The following MYH13 variants were observed in gnomAD, a reference collection of about 807,000 sequenced individuals.
The protein encoded by MYH13 is myosin heavy chain 13.
A neutral mutation model predicts 232.1 loss-of-function variants in MYH13; 177 were observed. The ratio of observed to expected loss-of-function variants is 0.76; its 90% confidence interval spans 0.67 to 0.86. The LOEUF is 0.86. Ranked by LOEUF, MYH13 falls within the 40% of genes least tolerant of loss-of-function variation. MYH13 has a pLI of 0.00. For missense variants in MYH13, 2,246 were observed against 2,405.9 expected, an observed-to-expected ratio of 0.93 and a Z score of 1.39; for synonymous variants, 884 against 923.5, an observed-to-expected ratio of 0.96 and a Z score of 0.78.
intron 12 of MYH13, among the ~76,000 whole-genome samples, chr17:10,347,450 G>T (rs1204453638): frequency 6.6e-6 from 1 of 152,160 alleles, no homozygotes; most frequent in East Asian, 1.9e-4. Context: ...CCACCACTTG[G>T]ACAGTTGACA....
chr17:10,300,988 T>A, intron 40 of MYH13, 23 bp from the exon 41 acceptor site: 1 of 1,611,070 alleles, frequency 6.2e-7, no homozygotes. Context: ...AAAATAATTG[T>A]ACATAGGAAA....
chr17:10,320,102 G>A, intron 26 of MYH13, 51 bp downstream of exon 26: 1 of 1,386,876 alleles, frequency 7.2e-7, no homozygotes, highest in Non-Finnish European at 1.0e-6. Context: ...AGTGAGGAGG[G>A]GCGCTCTTGC....
chr17:10,309,507 G>A lies in MYH13; in HGVS notation c.4965+15C>T, dbSNP rs765393275. 6.9e-6 allele frequency: 11 copies of A among 1,602,196 alleles called. No individual in the cohort carries two copies. The highest frequency in any genetic ancestry group is 2.2e-5 in the East Asian group (1 of 44,658). The stretch of plus-strand genomic sequence containing the variant: ...GGGGCCCGTCCAGGTACGCAGAGGC[G>A]GCCACCGTGCTCACCTTGAGCTGGC... On this transcript the variant is annotated intron_variant, in intron 34 of 40. Transcript: ENST00000252172.
At chr17:10,321,052 C>T (rs1035477491) in intron 24 of MYH13, among the ~76,000 whole-genome samples, 2 of 152,144 alleles carry the variant, frequency 1.3e-5, no homozygotes, top group African/African-American at 2.4e-5. Context: ...GTGAGTAAAA[C>T]CTGAAAACTT....
rs61338527 is a variant in MYH13, at chr17:10,355,828, CTTTTTTTTTTTTTTTTTTTT to C, written c.739-701_739-682del. On this transcript the variant is annotated intron_variant, in intron 8 of 40. Coordinates refer to ENST00000252172, the MANE Select transcript of MYH13 (RefSeq NM_003802.3). The stretch of plus-strand genomic sequence containing the variant: ...TAACTGGTTGGATTGTTCTGTCTGA[CTTTTTTTTTTTTTTTTTTTT>C]TTTTTTTTTTTTTTTTTTTGCTTGT... Among the ~76,000 whole-genome samples, 7 of 66,814 alleles carry C rather than the reference CTTTTTTTTTTTTTTTTTTTT, an allele frequency of 1.0e-4. 1 individual carries two copies. Among genetic ancestry groups the C allele is most frequent in the South Asian group, 7.6e-4 (1 of 1,308 alleles). The allele number at this position is 66,814 out of a possible 152,430, so 43.8% of individuals were successfully genotyped here.
intron 35 of MYH13, among the ~76,000 whole-genome samples, chr17:10,307,813 G>T (rs1011692552): frequency 2.0e-5 from 3 of 152,060 alleles, no homozygotes; most frequent in African/African-American, 7.2e-5. Context: ...TTCATTTTTA[G>T]AAATTTATTT....
chr17:10,305,843 G>A (rs1054562796), intron 37 of MYH13, among the ~76,000 whole-genome samples: 2 of 152,182 alleles, frequency 1.3e-5, no homozygotes, highest in South Asian at 2.1e-4. Context: ...TCCAGGTGTC[G>A]GGGGGTTGAA....
intron 18 of MYH13, among the ~76,000 whole-genome samples, chr17:10,336,897 G>T (rs2071579886): frequency 2.0e-5 from 3 of 148,558 alleles, no homozygotes; most frequent in African/African-American, 7.4e-5. Flanking sequence ...TCTGTGGCAG[G>T]CCCCCTCCTC....
intron 16 of MYH13, 120 bp from the exon 17 acceptor site, chr17:10,340,521 TTTTG>T: frequency 6.8e-6 from 5 of 736,578 alleles, no homozygotes; most frequent in Non-Finnish European, 8.8e-6. Flanking sequence ...AGACTTGAGG[TTTTG>T]TTTGTTTGTT....
intron 23 of MYH13, among the ~76,000 whole-genome samples, 168 bp from the exon 24 acceptor site, chr17:10,321,876 G>C (rs972145184): frequency 3.3e-5 from 5 of 151,916 alleles, no homozygotes; most frequent in Admixed American, 6.6e-5. Flanking sequence ...CTTCCTTAAC[G>C]GTCTATCATG....
chr17:10,330,371 T>G lies in MYH13; in HGVS notation c.2435+16A>C, dbSNP rs1907367921. ...CAGAGAGGGCAGGATAAGGTGGAGGTGAGGGTCTGTGTCACCTCCTCTCCA... is the reference window on the plus strand; with the variant it reads ...CAGAGAGGGCAGGATAAGGTGGAGGGGAGGGTCTGTGTCACCTCCTCTCCA... On this transcript the variant is annotated intron_variant, in intron 21 of 40. Coordinates refer to ENST00000252172, the MANE Select transcript of MYH13 (RefSeq NM_003802.3). 1.2e-6 allele frequency: 2 copies of G among 1,612,828 alleles called. No homozygotes were observed. Among genetic ancestry groups the G allele is most frequent in the African/African-American group, 2.7e-5 (2 of 74,800 alleles).
intron 11 of MYH13, 42 bp from the exon 12 acceptor site, chr17:10,350,736 G>T (rs866527097): frequency 6.2e-7 from 1 of 1,611,820 alleles, no homozygotes; most frequent in South Asian, 1.1e-5. Flanking sequence ...AGGAATCAGG[G>T]ATCCATATGC....
intron 3 of MYH13, among the ~76,000 whole-genome samples, chr17:10,363,315 C>CA (rs11390504): frequency 0.64 from 58,686 of 91,796 alleles, 18,886 homozygotes; most frequent in Non-Finnish European, 0.71. Context: ...GACTCCGTCT[C>CA]AAAAAAAAAA....
intron 21 of MYH13, among the ~76,000 whole-genome samples, chr17:10,329,307 C>G (rs1907332179): frequency 1.3e-5 from 2 of 152,200 alleles, no homozygotes; most frequent in Non-Finnish European, 2.9e-5. Context: ...GTCATCAATG[C>G]TGCTATTCCT....
Position 10,345,089 on chromosome 17 carries a change from A to G in MYH13, c.1584+113T>C. ...AATAGGCATTCAGTTATCTATCTGA[A>G]GGCTTGCAGCCTGGGGGCTAGGGGC... is the stretch of plus-strand genomic sequence containing the variant. On this transcript the variant is annotated intron_variant, in intron 15 of 40. Coordinates refer to ENST00000252172, the MANE Select transcript of MYH13 (RefSeq NM_003802.3). 2.6e-6 allele frequency: 4 copies of G among 1,539,944 alleles called. No individual in the cohort carries two copies. In the South Asian group the frequency reaches 4.6e-5, roughly 18 times the overall value.
chr17:10,307,705 G>T (rs1906339126), intron 35 of MYH13, among the ~76,000 whole-genome samples: 1 of 152,116 alleles, frequency 6.6e-6, no homozygotes, highest in African/African-American at 2.4e-5. Flanking sequence ...TTATAGAAGA[G>T]AACTCTCACA....
rs1906523652 is a variant in MYH13, at chr17:10,312,012, TC to T, written c.4429del (p.Glu1477SerfsTer12). On this transcript the variant is annotated frameshift_variant, in exon 32 of 41. Coordinates refer to ENST00000252172, the MANE Select transcript of MYH13 (RefSeq NM_003802.3). LOFTEE classifies it high-confidence loss of function. ...GAGTTCAGTGCTGAGTGACCTGGAC[TC>T]CTTCTGAGCAGCTTCCAACTCAGCC... The part of the protein sequence containing the change: ...SQAELEAAQK[E>X]SRSLSTELFK... 1 of 1,613,898 alleles carries T rather than the reference TC, an allele frequency of 6.2e-7. No individual in the cohort carries two copies. Among genetic ancestry groups the T allele is most frequent in the Non-Finnish European group, 8.5e-7 (1 of 1,179,900 alleles).
intron 12 of MYH13, among the ~76,000 whole-genome samples, chr17:10,347,712 CT>C (rs71139041): frequency 0.16 from 13,656 of 86,588 alleles, 468 homozygotes; most frequent in Middle Eastern, 0.26. Flanking sequence ...GGGACTACTT[CT>C]TTTTTTTTTT....
intron 12 of MYH13, 54 bp from the exon 13 acceptor site, chr17:10,346,852 C>CCA: frequency 7.7e-7 from 1 of 1,304,516 alleles, no homozygotes; most frequent in Non-Finnish European, 1.1e-6. Context: ...GCTAAAGTGT[C>CCA]CAGTCAGCCC....
Sources: allele counts gnomAD v4.1 joint callset (sites outside exome capture counted in the v4.1 genomes callset), GRCh38; gene constraint gnomAD v4.1.1; transcripts MANE v1.5; gene names NCBI Gene and HGNC (gene_info 2026-07-23, HGNC 2026-07-21).